The following RABGAP1 variants were observed in gnomAD, a reference collection of about 807,000 sequenced individuals.
RABGAP1 encodes rab GTPase-activating protein 1.
Under a neutral mutation model 137.6 loss-of-function variants are expected in RABGAP1, and 23 were observed. That is an observed-to-expected ratio of 0.17 (90% confidence interval 0.12 to 0.24). The LOEUF (loss-of-function observed/expected upper bound fraction) is 0.24, where lower values mean the gene tolerates loss of function less well. Ranked by LOEUF, RABGAP1 falls within the 10% of genes least tolerant of loss-of-function variation. RABGAP1 has a pLI of 1.00. For synonymous variants in RABGAP1, 451 were observed against 450.7 expected (o/e 1.00, Z -0.01); for missense variants, 906 against 1,275.8 (o/e 0.71, Z 4.42).
chr9:123,051,216 G>GTTTTTTTT lies in RABGAP1; in HGVS notation c.1795-14091_1795-14084dup, dbSNP rs552457119. 2.9e-4 allele frequency among the ~76,000 whole-genome samples: 10 copies of GTTTTTTTT among 34,272 alleles called. 1 individual carries two copies. The highest frequency in any genetic ancestry group is 4.5e-4 in the Non-Finnish European group (8 of 17,836). The allele number at this position is 34,272 out of a possible 152,430, so 22.5% of individuals were successfully genotyped here. A position where few individuals can be genotyped will look rare whatever the true frequency, so the allele number is the denominator to read the frequency against. The stretch of plus-strand genomic sequence containing the variant: ...ACATGTTGTGATTTTATTCACCTTG[G>GTTTTTTTT]TTTTTTTTTTTTTTTTTTTTTTTTT... On this transcript the variant is annotated intron_variant, in intron 13 of 25. Coordinates refer to ENST00000373647, the MANE Select transcript of RABGAP1 (RefSeq NM_012197.4).
At chr9:122,950,381 T>TC (rs1327407040) in intron 1 of RABGAP1, among the ~76,000 whole-genome samples, 2 of 138,032 alleles carry the variant, frequency 1.4e-5, no homozygotes, top group South Asian at 2.3e-4. Context: ...TTCTTTCTTT[T>TC]TTTTTTTTTT....
chr9:123,065,923 A>T (rs1216343789), intron 14 of RABGAP1, among the ~76,000 whole-genome samples: 1 of 152,180 alleles, frequency 6.6e-6, no homozygotes, highest in East Asian at 1.9e-4. Context: ...AAAGGTCTGT[A>T]CCCGAACACT....
chr9:123,081,571 C>T (rs1258011560), intron 19 of RABGAP1, among the ~76,000 whole-genome samples: 7 of 152,006 alleles, frequency 4.6e-5, no homozygotes, highest in East Asian at 1.9e-4. Context: ...CAAGTAGCTG[C>T]GAGTACAGGC....
At chr9:122,943,931 C>T (rs1328385128) in intron 1 of RABGAP1, among the ~76,000 whole-genome samples, 1 of 151,680 alleles carries the variant, frequency 6.6e-6, no homozygotes, top group Non-Finnish European at 1.5e-5. Flanking sequence ...CCAGCCTGGG[C>T]GACAGAGTGA....
At chr9:122,950,086 T>A (rs1834148779) in intron 1 of RABGAP1, among the ~76,000 whole-genome samples, 1 of 152,132 alleles carries the variant, frequency 6.6e-6, no homozygotes. Context: ...TCAGGAGCAA[T>A]AAATAGTTTT....
At chr9:123,016,723 A>G (rs575470376) in intron 12 of RABGAP1, among the ~76,000 whole-genome samples, 10 of 152,200 alleles carry the variant, frequency 6.6e-5, no homozygotes, top group South Asian at 2.1e-4. Flanking sequence ...AGGGTTGTCA[A>G]ATAAACTCCC....
chr9:122,964,960 G>A (rs1835060683), intron 2 of RABGAP1, among the ~76,000 whole-genome samples: 1 of 152,092 alleles, frequency 6.6e-6, no homozygotes, highest in African/African-American at 2.4e-5. Context: ...CATAACCACT[G>A]CACCCCTACC....
intron 13 of RABGAP1, chr9:123,029,697 G>T: frequency 1.5e-6 from 1 of 669,822 alleles, no homozygotes; most frequent in Non-Finnish European, 2.9e-6. Context: ...CTGGGTCTTT[G>T]TCTTTCTTGG....
chr9:123,062,921 TG>T (rs754279756), intron 13 of RABGAP1, among the ~76,000 whole-genome samples: 1 of 152,154 alleles, frequency 6.6e-6, no homozygotes, highest in Non-Finnish European at 1.5e-5. Context: ...TCCAAGTAGC[TG>T]GGATTACAGG....
At chr9:123,066,290 A>G (rs2132123750) in intron 14 of RABGAP1, among the ~76,000 whole-genome samples, 1 of 152,344 alleles carries the variant, frequency 6.6e-6, no homozygotes, top group Middle Eastern at 3.4e-3. Context: ...TTTACATAGG[A>G]TACAGATTTC....
intron 10 of RABGAP1, among the ~76,000 whole-genome samples, chr9:123,004,716 T>A (rs2030054355): frequency 6.6e-6 from 1 of 152,228 alleles, no homozygotes; most frequent in Non-Finnish European, 1.5e-5. Flanking sequence ...GCATATATTT[T>A]ATTTACAGTA....
At chr9:123,057,348 G>T (rs959725208) in intron 13 of RABGAP1, among the ~76,000 whole-genome samples, 3 of 151,016 alleles carry the variant, frequency 2.0e-5, no homozygotes, top group African/African-American at 7.3e-5. Context: ...GGGCGGCCGG[G>T]CAGAGACGCT....
chr9:123,019,391 T>G (rs984288700), intron 12 of RABGAP1, among the ~76,000 whole-genome samples: 10 of 151,864 alleles, frequency 6.6e-5, no homozygotes, highest in Non-Finnish European at 1.3e-4. Flanking sequence ...AGTGGTGCGG[T>G]CTCTCACTGC....
chr9:122,968,484 A>C (rs902342200), intron 2 of RABGAP1, among the ~76,000 whole-genome samples: 2 of 151,760 alleles, frequency 1.3e-5, no homozygotes, highest in Non-Finnish European at 2.9e-5. Context: ...TGGCCTCTCA[A>C]ACTGCTAGGA....
chr9:122,958,370 A>G (rs1252817798), intron 2 of RABGAP1, among the ~76,000 whole-genome samples: 1 of 152,210 alleles, frequency 6.6e-6, no homozygotes, highest in Non-Finnish European at 1.5e-5. Flanking sequence ...GACTCTAAGC[A>G]AATAAGAAAA....
At chr9:122,955,064 T>G (rs1448023590) in intron 1 of RABGAP1, among the ~76,000 whole-genome samples, 1 of 152,148 alleles carries the variant, frequency 6.6e-6, no homozygotes, top group East Asian at 1.9e-4. Flanking sequence ...CTGAGAAGAC[T>G]ACTAAGAGAG....
intron 22 of RABGAP1, among the ~76,000 whole-genome samples, chr9:123,098,313 C>T (rs1398311259): frequency 1.3e-5 from 2 of 152,224 alleles, no homozygotes; most frequent in East Asian, 3.9e-4. Flanking sequence ...ACACCACGGT[C>T]GTCCAGGAGG....
intron 2 of RABGAP1, among the ~76,000 whole-genome samples, chr9:122,969,303 T>C (rs2131677183): frequency 6.6e-6 from 1 of 152,372 alleles, no homozygotes; most frequent in East Asian, 1.9e-4. Flanking sequence ...AAGTACACTC[T>C]ATGATGTTCA....
At chr9:123,101,332 T>G (rs1458955002) in intron 24 of RABGAP1, among the ~76,000 whole-genome samples, 1 of 152,212 alleles carries the variant, frequency 6.6e-6, no homozygotes, top group Non-Finnish European at 1.5e-5. Context: ...CAGCCTGGGT[T>G]CCTAGAAGTG....
Sources: gnomAD v4.1 joint callset for allele counts (sites outside exome capture counted in the v4.1 genomes callset) on GRCh38, gnomAD v4.1.1 for gene constraint, MANE v1.5 for transcripts, NCBI Gene and HGNC (gene_info 2026-07-23, HGNC 2026-07-21) for gene names.